The following CIBAR2 variants were observed in gnomAD, a reference collection of about 807,000 sequenced individuals.
The protein encoded by CIBAR2 is CBY1 interacting BAR domain containing 2, also known as CBY1-interacting BAR domain-containing protein 2.
A neutral mutation model predicts 36.2 loss-of-function variants in CIBAR2; 38 were observed. That is an observed-to-expected ratio of 1.05 (90% confidence interval 0.81 to 1.38). The LOEUF is 1.38. Among genes scored for constraint, CIBAR2 ranks in the 40% most tolerant of loss-of-function variants. The probability of loss-of-function intolerance (pLI) is 0.00; values close to 1 mark genes in which losing one functional copy is unlikely to be tolerated. For synonymous variants in CIBAR2, 182 were observed against 149.5 expected, an observed-to-expected ratio of 1.22 and a Z score of -1.58; for missense variants, 481 against 383.4, an observed-to-expected ratio of 1.25 and a Z score of -2.13.
At chr16:85,102,407 G>C (rs1443466694) in intron 6 of CIBAR2, 80 bp from the exon 7 acceptor site, 1 of 846,914 alleles carries the variant, frequency 1.2e-6, no homozygotes, top group African/African-American at 1.7e-5. Flanking sequence ...GGCAGATGGG[G>C]TGGGGGTGTG....
At chr16:85,106,926 G>A (rs530103254) in intron 5 of CIBAR2, among the ~76,000 whole-genome samples, 16 of 152,246 alleles carry the variant, frequency 1.1e-4, no homozygotes, top group Non-Finnish European at 1.6e-4. Context: ...CAGGTGGATC[G>A]CCTGAGGTCA....
At chr16:85,100,347 T>C in intron 7 of CIBAR2, 107 bp from the exon 8 acceptor site, 1 of 665,022 alleles carries the variant, frequency 1.5e-6, no homozygotes, top group East Asian at 2.9e-5. Context: ...AGACAGCTAA[T>C]GCTCATGGAA....
chr16:85,104,374 G>A (rs1246704939), intron 6 of CIBAR2, among the ~76,000 whole-genome samples: 1 of 152,228 alleles, frequency 6.6e-6, no homozygotes, highest in Non-Finnish European at 1.5e-5. Context: ...AGCCACCAGA[G>A]GGTGCTCAGC....
intron 5 of CIBAR2, 87 bp from the exon 6 acceptor site, chr16:85,105,518 CCTTCTCT>C: frequency 1.0e-6 from 1 of 983,790 alleles, no homozygotes; most frequent in Non-Finnish European, 1.6e-6. Context: ...GTCTCTAAAC[CCTTCTCT>C]CAGGCCAGTT....
At chr16:85,102,906 C>CAT (rs1204912793) in intron 6 of CIBAR2, among the ~76,000 whole-genome samples, 1 of 142,962 alleles carries the variant, frequency 7.0e-6, no homozygotes, top group Admixed American at 7.0e-5. Context: ...TCACAGGAGG[C>CAT]TTTTTTTTTT....
intron 6 of CIBAR2, among the ~76,000 whole-genome samples, chr16:85,102,947 G>C (rs2073967285): frequency 6.6e-6 from 1 of 151,246 alleles, no homozygotes; most frequent in Non-Finnish European, 1.5e-5. Flanking sequence ...TGTCACCCAA[G>C]CTGGAGTGAA....
intron 5 of CIBAR2, among the ~76,000 whole-genome samples, chr16:85,105,634 G>A (rs1298671740): frequency 1.3e-5 from 2 of 152,188 alleles, no homozygotes; most frequent in African/African-American, 2.4e-5. Context: ...AGACACACCT[G>A]CTTGCTAGCT....
intron 6 of CIBAR2, 80 bp from the exon 7 acceptor site, chr16:85,102,407 G>GT: frequency 1.2e-6 from 1 of 847,030 alleles, no homozygotes; most frequent in Non-Finnish European, 2.0e-6. Flanking sequence ...GGCAGATGGG[G>GT]TGGGGGTGTG....
Position 85,099,295 on chromosome 16 carries a change from G to A in CIBAR2, c.805C>T (p.His269Tyr). ...SRANEDPEHP[H>Y]ANHGRFSLCE... ...AGACTAAACCTGCCATGATTGGCAT[G>A]AGGATGTTCAGGGTCTTCATTTGCC... Residue 269 changes from histidine (H) to tyrosine (Y), a missense_variant, in exon 9 of 9, where the codon CAT becomes TAT. Transcript: ENST00000539556. The A allele has an allele frequency of 6.2e-7, 1 of 1,613,750 alleles. No homozygotes were observed. Among genetic ancestry groups the A allele is most frequent in the Non-Finnish European group, 8.5e-7 (1 of 1,179,670 alleles).
At chr16:85,099,726 C>T (rs1406987227) in intron 8 of CIBAR2, among the ~76,000 whole-genome samples, 4 of 150,318 alleles carry the variant, frequency 2.7e-5, no homozygotes, top group East Asian at 1.9e-4. Flanking sequence ...TGGGCTCAAG[C>T]GATTCTCCTG....
At chr16:85,109,971 G>A (rs1020533354) in intron 2 of CIBAR2, among the ~76,000 whole-genome samples, 1 of 152,162 alleles carries the variant, frequency 6.6e-6, no homozygotes, top group Non-Finnish European at 1.5e-5. Context: ...GGTTCATGGA[G>A]CCCCCAGGGC....
At chr16:85,105,280 A>ACACAAG (rs1205747826) in intron 6 of CIBAR2, 47 bp downstream of exon 6, 1 of 1,190,374 alleles carries the variant, frequency 8.4e-7, no homozygotes. Context: ...ATGCACACAC[A>ACACAAG]CACAAGGCAG....
chr16:85,110,936 C>T (rs1214736057), intron 1 of CIBAR2, among the ~76,000 whole-genome samples: 1 of 152,088 alleles, frequency 6.6e-6, no homozygotes, highest in Non-Finnish European at 1.5e-5. Context: ...AACTCCTGAC[C>T]TCAGGTGATC....
rs1181383887 is a variant in CIBAR2, at chr16:85,099,291, G to T, written c.809C>A (p.Ala270Asp). The change falls in exon 9 of 9, where the codon GCC (alanine) becomes GAC (aspartate). Residue 270 changes from alanine (A) to aspartate (D), a missense_variant. Transcript: ENST00000539556. ...RANEDPEHPH[A>D]NHGRFSLCEW... ...ACAGAGACTAAACCTGCCATGATTG[G>T]CATGAGGATGTTCAGGGTCTTCATT... 6.2e-7 allele frequency: 1 copy of T among 1,613,830 alleles called. No individual in the cohort carries two copies. The highest frequency in any genetic ancestry group is 1.1e-5 in the South Asian group (1 of 91,080).
rs2074006930 is a variant in CIBAR2 at position 85,107,677 on chromosome 16, A to G, written c.427-5T>C. On this transcript the variant is annotated splice_region_variant and splice_polypyrimidine_tract_variant and intron_variant, in intron 4 of 8. Coordinates refer to ENST00000539556, the MANE Select transcript of CIBAR2 (RefSeq NM_198491.3). ...ACATGTGACACTCACCTGGGACTGA[A>G]AAACGTGCTGTTAAGGAACCAAGTT... 1 of 1,614,036 alleles carries G rather than the reference A, an allele frequency of 6.2e-7. No homozygotes were observed. Among genetic ancestry groups the G allele is most frequent in the Non-Finnish European group, 8.5e-7 (1 of 1,179,990 alleles).
intron 5 of CIBAR2, among the ~76,000 whole-genome samples, chr16:85,106,322 AAC>A (rs968933428): frequency 1.6e-4 from 24 of 152,076 alleles, no homozygotes; most frequent in Admixed American, 7.9e-4. Flanking sequence ...AGGTAGGATA[AAC>A]GGCCCCCCAA....
rs575488080 is a variant in CIBAR2 at position 85,103,558 on chromosome 16, A to T, written c.538-1231T>A. On this transcript the variant is annotated intron_variant, in intron 6 of 8. Transcript: ENST00000539556. Reference sequence around the variant, plus strand: ...GTGCTTCTGTTGGCCCCTGACCTGGAGAACCGTGTGGTCCATGCTCCCTGG... The same window carrying T: ...GTGCTTCTGTTGGCCCCTGACCTGGTGAACCGTGTGGTCCATGCTCCCTGG... 7.9e-5 allele frequency among the ~76,000 whole-genome samples: 12 copies of T among 152,346 alleles called. No homozygotes were observed. The East Asian group carries it at 2.3e-3, about 29-fold the overall frequency.
rs540783408 is a variant in CIBAR2 at position 85,104,947 on chromosome 16, C to T, written c.537+380G>A. 7.9e-5 allele frequency among the ~76,000 whole-genome samples: 12 copies of T among 152,184 alleles called. No homozygotes were observed. In the South Asian group the frequency reaches 8.3e-4, roughly 11 times the overall value. On this transcript the variant is annotated intron_variant, in intron 6 of 8. Coordinates refer to ENST00000539556, the MANE Select transcript of CIBAR2 (RefSeq NM_198491.3). ...CCCACACCCAGCTGCTGGGCCTTCA[C>T]GTGGCTTGTTCAGGGAGGGGGTTTA...
At position 85,099,518 on chromosome 16, in the gene CIBAR2, G is replaced by C. The variant is rs139981825; in HGVS notation, c.754-172C>G. Among the ~76,000 whole-genome samples, 171 of 152,258 alleles carry C rather than the reference G, an allele frequency of 1.1e-3. 1 individual carries two copies. Among genetic ancestry groups the C allele is most frequent in the African/African-American group, 3.5e-3 (144 of 41,542 alleles). On this transcript the variant is annotated intron_variant, in intron 8 of 8. Coordinates refer to ENST00000539556, the MANE Select transcript of CIBAR2 (RefSeq NM_198491.3). ...CTGACTGGGGGCCTCTGTTTCTCAAGTGGCAATACCTCAGAGTGCCTCCAG... is the reference window on the plus strand; with the variant it reads ...CTGACTGGGGGCCTCTGTTTCTCAACTGGCAATACCTCAGAGTGCCTCCAG...
Sources: allele counts gnomAD v4.1 joint callset (sites outside exome capture counted in the v4.1 genomes callset), GRCh38; gene constraint gnomAD v4.1.1; transcripts MANE v1.5; gene names NCBI Gene and HGNC (gene_info 2026-07-23, HGNC 2026-07-21).